ZDHHC3: variants seen among roughly 807,000 people sequenced by gnomAD.
ZDHHC3 encodes the protein zDHHC palmitoyltransferase 3.
ZDHHC3 carries 9 observed loss-of-function variants against 30.6 expected under a neutral mutation model. That is an observed-to-expected ratio of 0.29 (90% confidence interval 0.18 to 0.51). The LOEUF is 0.51. Among genes scored for constraint, ZDHHC3 ranks in the 20% least tolerant of loss-of-function variants. ZDHHC3 has a pLI of 0.97. For synonymous variants in ZDHHC3, 136 were observed against 140.2 expected, an observed-to-expected ratio of 0.97 and a Z score of 0.21; for missense variants, 246 against 384.2, an observed-to-expected ratio of 0.64 and a Z score of 3.01.
chr3:44,969,920 T>C (rs1705271560), intron 1 of ZDHHC3: 1 of 152,226 alleles, frequency 6.6e-6, no homozygotes, highest in South Asian at 2.1e-4. Context: ...CCCCCCATGC[T>C]AGGCAGAGAC....
At chr3:44,973,747 C>T (rs1001901603) in intron 1 of ZDHHC3, among the ~76,000 whole-genome samples, 6 of 152,182 alleles carry the variant, frequency 3.9e-5, no homozygotes, top group East Asian at 3.8e-4. Flanking sequence ...TGTCAGCCAC[C>T]GCACCTAGCC....
intron 5 of ZDHHC3, 151 bp from the exon 6 acceptor site, chr3:44,929,587 G>A (rs1453255118): frequency 1.8e-6 from 2 of 1,086,096 alleles, no homozygotes; most frequent in Non-Finnish European, 2.6e-6. Flanking sequence ...GCTACGGTGA[G>A]AATCATCCTG....
chr3:44,924,073 C>T lies in ZDHHC3; in HGVS notation c.*2616G>A, dbSNP rs891996542. The T allele has an allele frequency of 8.1e-6, 8 of 985,342 alleles. No individual in the cohort carries two copies. In the African/African-American group the frequency reaches 1.0e-4, roughly 13 times the overall value. 61.0% of individuals were successfully genotyped at this position (985,342 alleles called of 1,614,324 possible). A position where few individuals can be genotyped will look rare whatever the true frequency, so the allele number is the denominator to read the frequency against. On this transcript the variant is annotated 3_prime_UTR_variant, in exon 7 of 7. Transcript: ENST00000424952. ...ATCTTTATTTTTCACTTCCACTCCC[C>T]AGAGCCCAGGCTCTGAAAGACTGTG...
chr3:44,965,210 G>A (rs1304410270), intron 1 of ZDHHC3, among the ~76,000 whole-genome samples: 1 of 152,148 alleles, frequency 6.6e-6, no homozygotes, highest in African/African-American at 2.4e-5. Flanking sequence ...AACAAAAACT[G>A]CCTGTGGTCC....
In ZDHHC3 at chr3:44,934,000, G is replaced by C. The variant is rs1302954063; in HGVS notation, c.432-16C>G. 10 of 1,613,818 alleles carry C rather than the reference G, an allele frequency of 6.2e-6. No individual in the cohort carries two copies. The highest frequency in any genetic ancestry group is 8.5e-6 in the Non-Finnish European group (10 of 1,179,706). On this transcript the variant is annotated splice_polypyrimidine_tract_variant and intron_variant, in intron 3 of 6. Transcript: ENST00000424952. ...CTTACAAACACTGAAACAGCCCACA[G>C]GTCAGACCTTTAGGGCATCCCCATG...
intron 1 of ZDHHC3, among the ~76,000 whole-genome samples, chr3:44,965,485 A>C (rs1296321665): frequency 6.6e-6 from 1 of 152,184 alleles, no homozygotes; most frequent in East Asian, 1.9e-4. Context: ...GCCCCATCCC[A>C]CTGTGGCACT....
At chr3:44,973,031 G>C (rs1705532306) in intron 1 of ZDHHC3, among the ~76,000 whole-genome samples, 1 of 152,056 alleles carries the variant, frequency 6.6e-6, no homozygotes, top group South Asian at 2.1e-4. Context: ...CTTTTACCTT[G>C]TTTAAAATAT....
chr3:44,944,019 C>T (rs1702677887), intron 3 of ZDHHC3, among the ~76,000 whole-genome samples: 1 of 152,158 alleles, frequency 6.6e-6, no homozygotes, highest in African/African-American at 2.4e-5. Flanking sequence ...CTTTGTTGCA[C>T]AGGCTGGAGT....
chr3:44,921,428 A>G lies in ZDHHC3; in HGVS notation c.*5261T>C, dbSNP rs1365785207. ...ATACCTCTATATTGTAACCCACAAG[A>G]GGAAACATTTTTCTGTTGCATTCCA... On this transcript the variant is annotated 3_prime_UTR_variant, in exon 7 of 7. Transcript: ENST00000424952. The G allele has an allele frequency of 3.0e-6, 3 of 985,354 alleles. No homozygotes were observed. The highest frequency in any genetic ancestry group is 3.6e-6 in the Non-Finnish European group (3 of 829,950). 61.0% of individuals were successfully genotyped at this position (985,354 alleles called of 1,614,324 possible).
At chr3:44,950,698 A>G (rs771281989) in intron 2 of ZDHHC3, among the ~76,000 whole-genome samples, 10 of 152,190 alleles carry the variant, frequency 6.6e-5, no homozygotes, top group Admixed American at 1.3e-4. Flanking sequence ...GCCTCAGGCA[A>G]CTTTTTGTTT....
At chr3:44,928,664 A>G (rs1287572414) in intron 6 of ZDHHC3, among the ~76,000 whole-genome samples, 1 of 152,172 alleles carries the variant, frequency 6.6e-6, no homozygotes, top group African/African-American at 2.4e-5. Context: ...CAGTAGGGGC[A>G]CCAAGGGAGT....
chr3:44,948,484 C>T (rs922729595), intron 2 of ZDHHC3, among the ~76,000 whole-genome samples: 8 of 152,206 alleles, frequency 5.3e-5, no homozygotes, highest in Non-Finnish European at 1.0e-4. Context: ...TCCTGAAGGT[C>T]TACACCATGC....
chr3:44,969,765 C>T (rs1705255768), intron 1 of ZDHHC3: 1 of 152,242 alleles, frequency 6.6e-6, no homozygotes, highest in Non-Finnish European at 1.5e-5. Flanking sequence ...AATACCGATC[C>T]TGCCCTAACC....
In ZDHHC3 at chr3:44,925,986, C is replaced by G. The variant is rs747917927; in HGVS notation, c.*703G>C. 64 of 985,684 alleles carry G rather than the reference C, an allele frequency of 6.5e-5. No homozygotes were observed. Among genetic ancestry groups the G allele is most frequent in the Admixed American group, 6.2e-5 (1 of 16,254 alleles). 61.1% of individuals were successfully genotyped at this position (985,684 alleles called of 1,614,324 possible). ...AAAAACGTCTTTCCTACACACTCTT[C>G]CAAATAATCACAGGGAATATAATTG... is the stretch of plus-strand genomic sequence containing the variant. On this transcript the variant is annotated 3_prime_UTR_variant, in exon 7 of 7. Transcript: ENST00000424952.
At chr3:44,931,916 AAAAAGCCC>A (rs1274980699) in intron 5 of ZDHHC3, among the ~76,000 whole-genome samples, 1 of 152,174 alleles carries the variant, frequency 6.6e-6, no homozygotes, top group African/African-American at 2.4e-5. Flanking sequence ...TGCACTGCTC[AAAAAGCCC>A]TTTGGGCCAT....
Position 44,929,327 on chromosome 3 carries a change from G to C in ZDHHC3, c.720C>G (p.His240Gln). ...TTACCGTCTCATCTGTGCAGATGGA[G>C]TGCACCTGGGTCCCAAACATCACTG... ...FTSVMFGTQV[H>Q]SICTDETGIE... is the part of the protein sequence containing the mutation. The change falls in exon 6 of 7, where the codon CAC becomes CAG. Residue 240 changes from histidine (H) to glutamine (Q), a missense_variant. Transcript: ENST00000424952. 2 of 1,614,070 alleles carry C rather than the reference G, an allele frequency of 1.2e-6. No individual in the cohort carries two copies. The highest frequency in any genetic ancestry group is 1.7e-6 in the Non-Finnish European group (2 of 1,179,982).
At position 44,949,985 on chromosome 3, in the gene ZDHHC3, G is replaced by A. The variant is rs538471951; in HGVS notation, c.307-4693C>T. ...CAAGTAGCTGGAACTACCGGCACAA[G>A]CCACCATGTCCAGCTAATTACAAAA... On this transcript the variant is annotated intron_variant, in intron 2 of 6. Transcript: ENST00000424952. Among the ~76,000 whole-genome samples the A allele has an allele frequency of 1.4e-4, 21 of 152,242 alleles. No individual in the cohort carries two copies. In the East Asian group the frequency reaches 1.5e-3, roughly 11 times the overall value.
At position 44,922,005 on chromosome 3, in the gene ZDHHC3, G is replaced by A. The variant is rs1373402665; in HGVS notation, c.*4684C>T. Reference sequence around the variant, plus strand: ...GGGCCCAACAGAGCGGGATCCCTGGGGGCCACTCTGCTTTGCTACGGCAAT... The same window carrying A: ...GGGCCCAACAGAGCGGGATCCCTGGAGGCCACTCTGCTTTGCTACGGCAAT... On this transcript the variant is annotated 3_prime_UTR_variant, in exon 7 of 7. Coordinates refer to ENST00000424952, the MANE Select transcript of ZDHHC3 (RefSeq NM_001135179.2). The A allele has an allele frequency of 1.0e-6, 1 of 985,278 alleles. No homozygotes were observed. Among genetic ancestry groups the A allele is most frequent in the Non-Finnish European group, 1.2e-6 (1 of 829,942 alleles). 61.0% of individuals were successfully genotyped at this position (985,278 alleles called of 1,614,324 possible).
chr3:44,934,033 G>A (rs1701726521), intron 3 of ZDHHC3, 49 bp from the exon 4 acceptor site: 1 of 1,582,828 alleles, frequency 6.3e-7, no homozygotes, highest in African/African-American at 1.3e-5. Context: ...ATGGTGTTGG[G>A]AGGGCCCCGG....
Sources: gnomAD v4.1 joint callset for allele counts (sites outside exome capture counted in the v4.1 genomes callset) on GRCh38, gnomAD v4.1.1 for gene constraint, MANE v1.5 for transcripts, NCBI Gene and HGNC (gene_info 2026-07-23, HGNC 2026-07-21) for gene names.